ZNF385D: variants seen among roughly 807,000 people sequenced by gnomAD.
ZNF385D encodes zinc finger protein 385D, also known as zinc finger protein 659.
ZNF385D carries 15 observed loss-of-function variants against 35.8 expected under a neutral mutation model. The observed-to-expected ratio is 0.42, with a 90% CI of 0.28 to 0.64. ZNF385D has a LOEUF of 0.64. Ranked by LOEUF, ZNF385D falls within the 30% of genes least tolerant of loss-of-function variation. The pLI is 0.23. For synonymous variants in ZNF385D, 212 were observed against 186.8 expected, an observed-to-expected ratio of 1.13 and a Z score of -1.10; for missense variants, 474 against 494.6, an observed-to-expected ratio of 0.96 and a Z score of 0.39.
intron 2 of ZNF385D, among the ~76,000 whole-genome samples, chr3:22,337,620 A>G (rs1185877730): frequency 6.6e-6 from 1 of 152,236 alleles, no homozygotes; most frequent in Non-Finnish European, 1.5e-5. Context: ...TTTGCTTAAT[A>G]GTCACAGAAA....
chr3:22,157,348 T>C (rs992245957), intron 3 of ZNF385D, among the ~76,000 whole-genome samples: 6 of 152,176 alleles, frequency 3.9e-5, no homozygotes, highest in African/African-American at 1.2e-4. Context: ...ACTCATCATT[T>C]ATATTTTTGA....
chr3:22,165,177 G>C (rs548515376), intron 3 of ZNF385D, among the ~76,000 whole-genome samples: 2 of 152,202 alleles, frequency 1.3e-5, no homozygotes, highest in African/African-American at 2.4e-5. Flanking sequence ...GTGATGTGTT[G>C]ATGTAGGTTA....
intron 3 of ZNF385D, among the ~76,000 whole-genome samples, chr3:21,833,433 A>G (rs1695128553): frequency 6.6e-6 from 1 of 152,172 alleles, no homozygotes; most frequent in Non-Finnish European, 1.5e-5. Context: ...GGGAAGGCTG[A>G]ATGCCACGCA....
At chr3:22,135,642 A>C (rs1704056638) in intron 3 of ZNF385D, among the ~76,000 whole-genome samples, 1 of 152,202 alleles carries the variant, frequency 6.6e-6, no homozygotes, top group Non-Finnish European at 1.5e-5. Flanking sequence ...AACTTAAGGG[A>C]AGAAAAAGAA....
intron 2 of ZNF385D, among the ~76,000 whole-genome samples, chr3:21,622,891 A>T (rs2065044213): frequency 6.6e-6 from 1 of 152,108 alleles, no homozygotes; most frequent in South Asian, 2.1e-4. Flanking sequence ...ATAATGGTAA[A>T]GGAGAATCAC....
chr3:22,095,298 T>C (rs1187581297), intron 3 of ZNF385D, among the ~76,000 whole-genome samples: 2 of 152,018 alleles, frequency 1.3e-5, no homozygotes, highest in South Asian at 2.1e-4. Context: ...TATTTCTTTA[T>C]GGACCACTCT....
chr3:21,750,779 C>A (rs978979611), intron 1 of ZNF385D, 116 bp downstream of exon 1: 5 of 1,319,836 alleles, frequency 3.8e-6, no homozygotes, highest in Admixed American at 1.8e-5. Flanking sequence ...CAGTTGCCAA[C>A]TGGAGGTAGG....
rs1221923155 is a variant in ZNF385D at position 21,424,317 on chromosome 3, A to ATATATATAT, written c.853-254_853-253insATATATATA. On this transcript the variant is annotated intron_variant, in intron 6 of 7. Transcript: ENST00000281523. Reference sequence around the variant, plus strand: ...TATATATATTTATATATATATATATATTTTTTTTTTTTTTTGAGATGGAGT... The same window carrying ATATATATAT: ...TATATATATTTATATATATATATATATATATATATTTTTTTTTTTTTTTTGAGATGGAGT... Among the ~76,000 whole-genome samples, 321 of 63,794 alleles carry ATATATATAT rather than the reference A, an allele frequency of 5.0e-3. 12 individuals are homozygous for ATATATATAT. Among genetic ancestry groups the ATATATATAT allele is most frequent in the African/African-American group, 0.019 (304 of 16,300 alleles). The allele number at this position is 63,794 out of a possible 152,430, so 41.9% of individuals were successfully genotyped here. A position where few individuals can be genotyped will look rare whatever the true frequency, so the allele number is the denominator to read the frequency against.
At chr3:21,595,732 T>C (rs2125746152) in intron 2 of ZNF385D, among the ~76,000 whole-genome samples, 1 of 152,282 alleles carries the variant, frequency 6.6e-6, no homozygotes, top group Admixed American at 6.5e-5. Flanking sequence ...GAATCACATT[T>C]TGTCCAAGTG....
intron 2 of ZNF385D, among the ~76,000 whole-genome samples, chr3:22,264,105 C>T (rs997721541): frequency 2.6e-5 from 4 of 151,850 alleles, no homozygotes; most frequent in Non-Finnish European, 5.9e-5. Flanking sequence ...AAGACAGACT[C>T]CAAGGGGCAT....
chr3:21,467,881 A>T (rs746226219), intron 4 of ZNF385D, among the ~76,000 whole-genome samples: 5 of 152,178 alleles, frequency 3.3e-5, no homozygotes, highest in Non-Finnish European at 5.9e-5. Context: ...TATTGACCAC[A>T]ATAAGAAACC....
chr3:21,709,416 G>A (rs1171506587), intron 1 of ZNF385D, among the ~76,000 whole-genome samples: 1 of 151,974 alleles, frequency 6.6e-6, no homozygotes, highest in Non-Finnish European at 1.5e-5. Context: ...TAACCCTAAG[G>A]TGACTGACCA....
intron 2 of ZNF385D, among the ~76,000 whole-genome samples, chr3:21,661,669 G>C (rs577997540): frequency 1.4e-4 from 22 of 152,292 alleles, no homozygotes; most frequent in African/African-American, 4.3e-4. Flanking sequence ...TCTTTTGTGT[G>C]AAAGCTACTA....
At chr3:22,108,415 AAAG>A (rs1359714720) in intron 3 of ZNF385D, among the ~76,000 whole-genome samples, 1 of 151,838 alleles carries the variant, frequency 6.6e-6, no homozygotes, top group Non-Finnish European at 1.5e-5. Context: ...CCTTAAGAGG[AAAG>A]AAGTAAGGGT....
intron 3 of ZNF385D, among the ~76,000 whole-genome samples, chr3:21,804,362 C>G (rs1575679027): frequency 1.3e-5 from 2 of 152,054 alleles, no homozygotes; most frequent in East Asian, 3.9e-4. Flanking sequence ...TTAAAATGAA[C>G]AGGGGTGGTG....
At chr3:21,770,566 G>C (rs562747613) in intron 3 of ZNF385D, among the ~76,000 whole-genome samples, 2 of 152,002 alleles carry the variant, frequency 1.3e-5, no homozygotes, top group Non-Finnish European at 2.9e-5. Flanking sequence ...TTAGAATGGC[G>C]ATCATTAAAA....
intron 2 of ZNF385D, among the ~76,000 whole-genome samples, chr3:21,643,786 G>A (rs947705317): frequency 6.6e-6 from 1 of 152,126 alleles, no homozygotes; most frequent in Non-Finnish European, 1.5e-5. Flanking sequence ...GAACTGTGGT[G>A]TCCAATGCTA....
chr3:21,841,838 T>C (rs1448714890), intron 3 of ZNF385D, among the ~76,000 whole-genome samples: 1 of 151,820 alleles, frequency 6.6e-6, no homozygotes, highest in Non-Finnish European at 1.5e-5. Flanking sequence ...AATTCATACA[T>C]ATTTTTCTGT....
At chr3:22,099,807 C>T (rs1269926630) in intron 3 of ZNF385D, among the ~76,000 whole-genome samples, 2 of 152,002 alleles carry the variant, frequency 1.3e-5, no homozygotes, top group Non-Finnish European at 2.9e-5. Context: ...AGCATTCACA[C>T]TAGCAGGGAG....
Sources: gnomAD v4.1 joint callset for allele counts (sites outside exome capture counted in the v4.1 genomes callset) on GRCh38, gnomAD v4.1.1 for gene constraint, MANE v1.5 for transcripts, NCBI Gene and HGNC (gene_info 2026-07-23, HGNC 2026-07-21) for gene names.